WDR70: variants seen among roughly 807,000 people sequenced by gnomAD.
WDR70 encodes the protein WD repeat domain 70, also known as WD repeat-containing protein 70.
In WDR70, 53 loss-of-function variants were observed where a neutral mutation model predicts 88.6. The ratio of observed to expected loss-of-function variants is 0.60; its 90% CI spans 0.48 to 0.75. The LOEUF (loss-of-function observed/expected upper bound fraction) is 0.75, where lower values mean the gene tolerates loss of function less well. Ranked by LOEUF, WDR70 falls within the 30% of genes least tolerant of loss-of-function variation. The pLI is 0.00. For missense variants in WDR70, 610 were observed against 823.2 expected, an observed-to-expected ratio of 0.74 and a Z score of 3.17; for synonymous variants, 280 against 270.0, an observed-to-expected ratio of 1.04 and a Z score of -0.36.
intron 10 of WDR70, among the ~76,000 whole-genome samples, chr5:37,664,463 C>T (rs1003912987): frequency 1.3e-5 from 2 of 152,176 alleles, no homozygotes; most frequent in African/African-American, 4.8e-5. Flanking sequence ...AGTAGTATTT[C>T]CTTGTATCCC....
At chr5:37,634,664 C>A (rs911159215) in intron 10 of WDR70, among the ~76,000 whole-genome samples, 1 of 152,046 alleles carries the variant, frequency 6.6e-6, no homozygotes, top group Non-Finnish European at 1.5e-5. Flanking sequence ...GAACCTCAAC[C>A]AAGTATGTGG....
At chr5:37,519,229 G>A (rs1401195825) in intron 9 of WDR70, among the ~76,000 whole-genome samples, 1 of 152,238 alleles carries the variant, frequency 6.6e-6, no homozygotes. Flanking sequence ...ACACCTCCCA[G>A]ATGGGGCACC....
At chr5:37,495,559 A>G (rs189312120) in intron 8 of WDR70, among the ~76,000 whole-genome samples, 10 of 152,218 alleles carry the variant, frequency 6.6e-5, no homozygotes, top group Admixed American at 5.2e-4. Flanking sequence ...AAAGTATAGC[A>G]TATTATGAGA....
intron 3 of WDR70, among the ~76,000 whole-genome samples, chr5:37,385,572 C>T (rs1279893410): frequency 2.5e-5 from 2 of 81,372 alleles, no homozygotes; most frequent in African/African-American, 5.3e-5. Context: ...TTCAGCTTCT[C>T]CAGAGATTGG....
intron 10 of WDR70, among the ~76,000 whole-genome samples, chr5:37,692,006 A>C (rs146694444): frequency 0.067 from 10,226 of 152,268 alleles, 377 homozygotes; most frequent in South Asian, 0.12. Context: ...AGACACAATA[A>C]AAAATGATAA....
intron 9 of WDR70, among the ~76,000 whole-genome samples, chr5:37,599,210 AT>A (rs773834459): frequency 7.9e-5 from 12 of 152,362 alleles, no homozygotes; most frequent in Non-Finnish European, 1.8e-4. Flanking sequence ...ATTCACAGAA[AT>A]GGGAAAATGT....
intron 9 of WDR70, among the ~76,000 whole-genome samples, chr5:37,523,005 A>C (rs1319850834): frequency 1.3e-5 from 2 of 152,218 alleles, no homozygotes; most frequent in Non-Finnish European, 2.9e-5. Flanking sequence ...GGTGGAGCCC[A>C]CCGCAGCTCA....
At chr5:37,657,062 C>T (rs949720294) in intron 10 of WDR70, among the ~76,000 whole-genome samples, 1 of 152,198 alleles carries the variant, frequency 6.6e-6, no homozygotes, top group Non-Finnish European at 1.5e-5. Flanking sequence ...ACTCCTGCAG[C>T]TAGCTTGGTG....
At chr5:37,599,936 CA>C (rs1354000326) in intron 9 of WDR70, among the ~76,000 whole-genome samples, 1 of 150,758 alleles carries the variant, frequency 6.6e-6, no homozygotes, top group African/African-American at 2.4e-5. Flanking sequence ...CTTACTTTAC[CA>C]TATAAAAATT....
intron 10 of WDR70, among the ~76,000 whole-genome samples, chr5:37,688,279 T>A (rs1160572746): frequency 6.6e-6 from 1 of 152,164 alleles, no homozygotes; most frequent in African/African-American, 2.4e-5. Context: ...AAGTAATTTG[T>A]CCCAGGTCAC....
At chr5:37,731,652 AAC>A (rs1019553703) in intron 17 of WDR70, among the ~76,000 whole-genome samples, 1 of 152,106 alleles carries the variant, frequency 6.6e-6, no homozygotes, top group Non-Finnish European at 1.5e-5. Context: ...TTGTCAAGAA[AAC>A]AGTCATAGTT....
At chr5:37,556,785 G>A (rs906404124) in intron 9 of WDR70, among the ~76,000 whole-genome samples, 1 of 152,182 alleles carries the variant, frequency 6.6e-6, no homozygotes, top group Non-Finnish European at 1.5e-5. Context: ...AATGTCATGT[G>A]TCAATTAGGG....
chr5:37,393,019 G>A lies in WDR70; in HGVS notation c.296+899G>A, dbSNP rs199821625. ...TTGTTTATCTTGTCAGAAAATCAACGTTTGTTTCAGTGATGTTTTGTTATT... is the reference window on the plus strand; with the variant it reads ...TTGTTTATCTTGTCAGAAAATCAACATTTGTTTCAGTGATGTTTTGTTATT... On this transcript the variant is annotated intron_variant, in intron 4 of 17. Transcript: ENST00000265107. Among the ~76,000 whole-genome samples, 8 of 152,096 alleles carry A rather than the reference G, an allele frequency of 5.3e-5. No individual in the cohort carries two copies. In the East Asian group the frequency reaches 1.5e-3, roughly 29 times the overall value.
chr5:37,404,694 A>G (rs1278943837), intron 5 of WDR70, among the ~76,000 whole-genome samples: 1 of 152,022 alleles, frequency 6.6e-6, no homozygotes, highest in East Asian at 1.9e-4. Flanking sequence ...TGTAGCTCTG[A>G]CAGTTTTTTT....
intron 9 of WDR70, among the ~76,000 whole-genome samples, chr5:37,562,600 C>A (rs1032408033): frequency 2.0e-5 from 3 of 152,134 alleles, no homozygotes; most frequent in South Asian, 2.1e-4. Flanking sequence ...TCCGGCCTTC[C>A]GCAGTGTTTG....
chr5:37,516,725 ATTTT>A (rs71904509), intron 9 of WDR70, 135 bp downstream of exon 9: 17 of 128,036 alleles, frequency 1.3e-4, no homozygotes, highest in African/African-American at 2.0e-4. Flanking sequence ...ATATATATAT[ATTTT>A]TTTTTTTTTT....
chr5:37,392,431 G>A (rs1405808543), intron 4 of WDR70, among the ~76,000 whole-genome samples: 2 of 151,862 alleles, frequency 1.3e-5, no homozygotes, highest in African/African-American at 4.8e-5. Context: ...TGATCCACCC[G>A]CCTCAGCCTC....
intron 8 of WDR70, among the ~76,000 whole-genome samples, chr5:37,510,791 C>T (rs1386495571): frequency 6.6e-6 from 1 of 152,104 alleles, no homozygotes; most frequent in Non-Finnish European, 1.5e-5. Context: ...TGCATTATTT[C>T]GTCTTTATTT....
At chr5:37,506,140 A>G in intron 8 of WDR70, 1 of 1,085,730 alleles carries the variant, frequency 9.2e-7, no homozygotes, top group Non-Finnish European at 1.4e-6. Context: ...GCCATTTTGA[A>G]GTTAATGTAT....
Sources: gnomAD v4.1 joint callset for allele counts (sites outside exome capture counted in the v4.1 genomes callset) on GRCh38, gnomAD v4.1.1 for gene constraint, MANE v1.5 for transcripts, NCBI Gene and HGNC (gene_info 2026-07-23, HGNC 2026-07-21) for gene names.